FAM47E: variants seen among roughly 807,000 people sequenced by gnomAD.
FAM47E encodes protein FAM47E.
Under a neutral mutation model 41.6 loss-of-function variants are expected in FAM47E, and 32 were observed. That is an observed-to-expected ratio of 0.77 (90% CI 0.58 to 1.03). The LOEUF (loss-of-function observed/expected upper bound fraction) is 1.03. Ranked by LOEUF, FAM47E falls within the 50% of genes least tolerant of loss-of-function variation. FAM47E has a pLI of 0.00. For synonymous variants in FAM47E, 184 were observed against 188.7 expected (o/e 0.98, Z 0.20); for missense variants, 424 against 485.4 (o/e 0.87, Z 1.19).
chr4:76,281,407 C>T (rs1452475893), intron 7 of FAM47E: 2 of 151,872 alleles, frequency 1.3e-5, no homozygotes, highest in African/African-American at 4.8e-5. Flanking sequence ...AATACTAGGT[C>T]TGCTAGATAT....
intron 2 of FAM47E, among the ~76,000 whole-genome samples, chr4:76,219,603 A>G (rs1560726553): frequency 6.6e-6 from 1 of 152,170 alleles, no homozygotes; most frequent in South Asian, 2.1e-4. Flanking sequence ...TTTACTCAGC[A>G]TCTCTTTCTG....
intron 2 of FAM47E, among the ~76,000 whole-genome samples, chr4:76,240,874 T>C (rs1733696301): frequency 6.6e-6 from 1 of 152,208 alleles, no homozygotes; most frequent in Admixed American, 6.5e-5. Context: ...TTTAAAGTCT[T>C]TGTCTAATAG....
chr4:76,275,875 A>C (rs945333908), intron 5 of FAM47E, among the ~76,000 whole-genome samples: 2 of 151,984 alleles, frequency 1.3e-5, no homozygotes, highest in Non-Finnish European at 2.9e-5. Flanking sequence ...TCTGAGGGCA[A>C]TTTGCCCCCC....
intron 1 of FAM47E, among the ~76,000 whole-genome samples, chr4:76,253,820 AG>A: frequency 6.6e-6 from 1 of 150,550 alleles, no homozygotes; most frequent in Non-Finnish European, 1.5e-5. Flanking sequence ...AAAAAAAAAA[AG>A]AAAGGAAAGA....
chr4:76,238,305 G>C (rs1040424928), intron 2 of FAM47E, among the ~76,000 whole-genome samples: 1 of 152,170 alleles, frequency 6.6e-6, no homozygotes, highest in Non-Finnish European at 1.5e-5. Flanking sequence ...AGCTAGGAAC[G>C]GGGTTTTCTC....
intron 4 of FAM47E, 31 bp downstream of exon 4, chr4:76,268,799 T>C: frequency 1.3e-6 from 2 of 1,550,340 alleles, no homozygotes; most frequent in South Asian, 1.2e-5. Flanking sequence ...CTTCTGCAAG[T>C]GGGTTACTAC....
intron 2 of FAM47E, among the ~76,000 whole-genome samples, chr4:76,234,769 C>T (rs1027862092): frequency 4.6e-5 from 7 of 152,102 alleles, no homozygotes; most frequent in Non-Finnish European, 8.8e-5. Context: ...AAATGTTAGC[C>T]GGCCATGGCG....
chr4:76,222,401 A>G (rs1489844804), intron 2 of FAM47E, among the ~76,000 whole-genome samples: 1 of 151,766 alleles, frequency 6.6e-6, no homozygotes, highest in Non-Finnish European at 1.5e-5. Flanking sequence ...TAATTTTTGT[A>G]TTTTTTAGTA....
intron 2 of FAM47E, among the ~76,000 whole-genome samples, chr4:76,260,642 G>A (rs147943893): frequency 3.9e-5 from 6 of 152,208 alleles, no homozygotes; most frequent in African/African-American, 1.4e-4. Context: ...AACTCTTCCA[G>A]ACATTGGCTG....
intron 4 of FAM47E, 150 bp downstream of exon 4, chr4:76,268,918 T>A (rs1734764041): frequency 1.1e-6 from 1 of 932,632 alleles, no homozygotes; most frequent in Non-Finnish European, 1.5e-6. Flanking sequence ...CTCAAAGTCG[T>A]AAAGGAATCA....
At chr4:76,239,062 C>G (rs1733646627) in intron 2 of FAM47E, among the ~76,000 whole-genome samples, 3 of 152,136 alleles carry the variant, frequency 2.0e-5, no homozygotes. Flanking sequence ...TACCATATAT[C>G]AAAATTTCCT....
intron 2 of FAM47E, among the ~76,000 whole-genome samples, chr4:76,237,100 T>C (rs944331011): frequency 3.9e-5 from 6 of 151,944 alleles, no homozygotes; most frequent in African/African-American, 1.5e-4. Flanking sequence ...TTTCACCGTG[T>C]TAGGCAGGAT....
At chr4:76,216,424 G>C (rs1218426315) in intron 1 of FAM47E, among the ~76,000 whole-genome samples, 2 of 152,126 alleles carry the variant, frequency 1.3e-5, no homozygotes, top group Non-Finnish European at 2.9e-5. Context: ...CAGATTTTCT[G>C]TTTGCGGGCT....
intron 2 of FAM47E, among the ~76,000 whole-genome samples, chr4:76,222,134 A>G (rs996883988): frequency 7.2e-5 from 11 of 152,204 alleles, no homozygotes; most frequent in African/African-American, 1.2e-4. Flanking sequence ...AAAAATCTCA[A>G]TATTCAGTGG....
chr4:76,283,538 A>G lies in FAM47E; in HGVS notation c.*80A>G. The G allele has an allele frequency of 6.8e-6, 6 of 878,034 alleles. No individual in the cohort carries two copies. In the South Asian group the frequency reaches 9.1e-5, roughly 13 times the overall value. The allele number at this position is 878,034 out of a possible 1,614,324, so 54.4% of individuals were successfully genotyped here. A position where few individuals can be genotyped will look rare whatever the true frequency, so the allele number is the denominator to read the frequency against. ...CTCTGTCTCCTTTTAAAGATTAAAC[A>G]GAGTTTATGATGAGTGTCCCACTGT... On this transcript the variant is annotated 3_prime_UTR_variant, in exon 8 of 8. Transcript: ENST00000424749.
At chr4:76,249,757 G>T (rs891888231), upstream of FAM47E, among the ~76,000 whole-genome samples, 19 of 151,836 alleles carry the variant, frequency 1.3e-4, no homozygotes, top group Non-Finnish European at 2.8e-4. Flanking sequence ...CATCCCCATA[G>T]CTTAGCTCCT....
At chr4:76,227,294 T>A (rs1355180179) in intron 2 of FAM47E, among the ~76,000 whole-genome samples, 12 of 152,218 alleles carry the variant, frequency 7.9e-5, no homozygotes, top group African/African-American at 2.7e-4. Flanking sequence ...GATCATTTAA[T>A]GTCCAAAGAT....
At chr4:76,230,979 T>C (rs1398622061) in intron 2 of FAM47E, among the ~76,000 whole-genome samples, 1 of 152,194 alleles carries the variant, frequency 6.6e-6, no homozygotes, top group Non-Finnish European at 1.5e-5. Flanking sequence ...CTGGATCCCT[T>C]AGATCCAGTT....
chr4:76,262,313 A>G (rs1421426272), intron 2 of FAM47E, among the ~76,000 whole-genome samples: 1 of 152,236 alleles, frequency 6.6e-6, no homozygotes. Flanking sequence ...GTTAATGATC[A>G]TAAATGCCTG....
Sources: allele counts gnomAD v4.1 joint callset (sites outside exome capture counted in the v4.1 genomes callset), GRCh38; gene constraint gnomAD v4.1.1; transcripts MANE v1.5; gene names NCBI Gene and HGNC (gene_info 2026-07-23, HGNC 2026-07-21).